Variants in TMEM132C observed in about 807,000 individuals in gnomAD.
The protein encoded by TMEM132C is transmembrane protein 132C.
Under a neutral mutation model 61.4 loss-of-function variants are expected in TMEM132C, and 29 were observed. That is an observed-to-expected ratio of 0.47 (90% confidence interval 0.35 to 0.64). The LOEUF is 0.64. TMEM132C is among the 30% of genes least tolerant of loss of function. The pLI is 0.00. For missense variants in TMEM132C, 1,408 were observed against 1,476.9 expected (o/e 0.95, Z 0.76); for synonymous variants, 656 against 633.1 (o/e 1.04, Z -0.54).
At chr12:128,695,704 T>C (rs1954755262) in intron 6 of TMEM132C, 126 bp from the exon 7 acceptor site, 28 of 1,048,840 alleles carry the variant, frequency 2.7e-5, no homozygotes, top group Non-Finnish European at 3.7e-5. Context: ...TTGGTGCCCC[T>C]TGCATGGTCC....
chr12:128,594,173 T>C lies in TMEM132C; in HGVS notation c.1122-21979T>C, dbSNP rs535196395. Among the ~76,000 whole-genome samples the C allele has an allele frequency of 3.2e-3, 487 of 152,136 alleles. 7 individuals are homozygous for C. Among genetic ancestry groups the C allele is most frequent in the African/African-American group, 0.011 (472 of 41,516 alleles). ...TGCTCCTGGGTCAGCACTGAGTCCT[T>C]CGCCCTGCACAGCTTGACACAGACT... is the stretch of plus-strand genomic sequence containing the variant. On this transcript the variant is annotated intron_variant, in intron 3 of 8. Transcript: ENST00000435159.
intron 1 of TMEM132C, among the ~76,000 whole-genome samples, chr12:128,405,054 C>A (rs564531017): frequency 6.8e-6 from 1 of 146,144 alleles, no homozygotes; most frequent in African/African-American, 2.5e-5. Flanking sequence ...CCGTAGGAAA[C>A]CAGCATTGGA....
intron 3 of TMEM132C, among the ~76,000 whole-genome samples, chr12:128,569,771 T>C (rs1874814417): frequency 6.6e-6 from 1 of 152,220 alleles, no homozygotes; most frequent in Admixed American, 6.5e-5. Context: ...TTAGCCACAC[T>C]GGGCTTGGAT....
chr12:128,501,479 T>C (rs1042981792), intron 2 of TMEM132C, among the ~76,000 whole-genome samples: 1 of 152,228 alleles, frequency 6.6e-6, no homozygotes, highest in Non-Finnish European at 1.5e-5. Context: ...ATCATCCTTA[T>C]AATGGTTACA....
intron 1 of TMEM132C, among the ~76,000 whole-genome samples, chr12:128,290,813 A>G (rs1442265330): frequency 6.6e-6 from 1 of 151,938 alleles, no homozygotes; most frequent in Non-Finnish European, 1.5e-5. Context: ...AAAGAACAAC[A>G]AATAGATTCA....
intron 2 of TMEM132C, among the ~76,000 whole-genome samples, chr12:128,418,004 G>A (rs1047607102): frequency 8.5e-5 from 13 of 152,064 alleles, no homozygotes; most frequent in South Asian, 2.1e-4. Flanking sequence ...GCCGTGGAGC[G>A]CAGCAGCCGT....
chr12:128,490,655 A>G (rs914459139), intron 2 of TMEM132C, among the ~76,000 whole-genome samples: 2 of 152,208 alleles, frequency 1.3e-5, no homozygotes, highest in Non-Finnish European at 1.5e-5. Flanking sequence ...ATGCTCAATA[A>G]CAAGCCAATC....
chr12:128,274,503 A>G (rs1258870024), intron 1 of TMEM132C, among the ~76,000 whole-genome samples: 1 of 152,216 alleles, frequency 6.6e-6, no homozygotes, highest in Non-Finnish European at 1.5e-5. Flanking sequence ...CAACAGAAAC[A>G]TCTTAATACC....
intron 1 of TMEM132C, among the ~76,000 whole-genome samples, chr12:128,280,875 ATG>A (rs1281389508): frequency 2.0e-5 from 3 of 152,180 alleles, no homozygotes; most frequent in South Asian, 2.1e-4. Flanking sequence ...ATAGAAAACA[ATG>A]TGCTCTAATT....
At chr12:128,568,885 A>G (rs988671638) in intron 3 of TMEM132C, among the ~76,000 whole-genome samples, 3 of 152,240 alleles carry the variant, frequency 2.0e-5, no homozygotes, top group Admixed American at 6.5e-5. Flanking sequence ...GATTGTTACC[A>G]TGGGTTCTTT....
At chr12:128,536,193 A>T (rs907304852) in intron 2 of TMEM132C, among the ~76,000 whole-genome samples, 3 of 152,230 alleles carry the variant, frequency 2.0e-5, no homozygotes, top group Non-Finnish European at 4.4e-5. Flanking sequence ...CATATATACC[A>T]TGGAATACTA....
intron 2 of TMEM132C, among the ~76,000 whole-genome samples, chr12:128,528,575 G>T (rs1873174564): frequency 6.6e-6 from 1 of 152,140 alleles, no homozygotes; most frequent in Admixed American, 6.5e-5. Context: ...CTCAACCTCA[G>T]TACTGTCCGT....
At chr12:128,501,103 C>G (rs952169570) in intron 2 of TMEM132C, among the ~76,000 whole-genome samples, 6 of 152,154 alleles carry the variant, frequency 3.9e-5, no homozygotes, top group African/African-American at 1.4e-4. Context: ...TATTGTATGA[C>G]TTCTCACCTT....
chr12:128,390,452 A>G (rs1303890246), intron 1 of TMEM132C, among the ~76,000 whole-genome samples: 1 of 152,004 alleles, frequency 6.6e-6, no homozygotes, highest in Admixed American at 6.6e-5. Context: ...CTCACTTTGC[A>G]TCCCTGCAGC....
At chr12:128,535,727 G>A (rs538965287) in intron 2 of TMEM132C, among the ~76,000 whole-genome samples, 16 of 152,176 alleles carry the variant, frequency 1.1e-4, no homozygotes, top group African/African-American at 3.4e-4. Flanking sequence ...AATTAATCAG[G>A]CATGGTGGCA....
intron 2 of TMEM132C, among the ~76,000 whole-genome samples, chr12:128,434,423 C>A (rs1593051882): frequency 9.8e-6 from 1 of 102,442 alleles, no homozygotes; most frequent in Non-Finnish European, 2.5e-5. Flanking sequence ...GCGTCAGCCT[C>A]CCAAGTAGCC....
chr12:128,571,033 A>G (rs1483026015), intron 3 of TMEM132C, among the ~76,000 whole-genome samples: 1 of 152,214 alleles, frequency 6.6e-6, no homozygotes, highest in African/African-American at 2.4e-5. Context: ...CCCAGGAGAC[A>G]GGAGGGACAT....
At chr12:128,602,141 C>T (rs1565987673) in intron 3 of TMEM132C, among the ~76,000 whole-genome samples, 2 of 152,134 alleles carry the variant, frequency 1.3e-5, no homozygotes, top group South Asian at 4.2e-4. Context: ...CCCAGGAAGT[C>T]GAGGCTGCAA....
chr12:128,420,193 T>C (rs1347089652), intron 2 of TMEM132C, among the ~76,000 whole-genome samples: 1 of 152,008 alleles, frequency 6.6e-6, no homozygotes, highest in East Asian at 1.9e-4. Flanking sequence ...TGACACTCTG[T>C]CTCAAAAAAT....
Sources: allele counts gnomAD v4.1 joint callset (sites outside exome capture counted in the v4.1 genomes callset), GRCh38; gene constraint gnomAD v4.1.1; transcripts MANE v1.5; gene names NCBI Gene and HGNC (gene_info 2026-07-23, HGNC 2026-07-21).